The following MYEF2 variants were observed in gnomAD, a reference collection of about 807,000 sequenced individuals.
MYEF2 encodes myelin expression factor 2.
In MYEF2, 37 loss-of-function variants were observed where a neutral mutation model predicts 75.2. That is an observed-to-expected ratio of 0.49 (90% CI 0.38 to 0.65). The LOEUF is 0.65. Ranked by LOEUF, MYEF2 falls within the 30% of genes least tolerant of loss-of-function variation. MYEF2 has a pLI of 0.00. For missense variants in MYEF2, 634 were observed against 771.4 expected (o/e 0.82, Z 2.11); for synonymous variants, 195 against 241.6 (o/e 0.81, Z 1.79).
At chr15:48,157,142 C>T (rs1159060003) in intron 9 of MYEF2, 1 of 151,972 alleles carries the variant, frequency 6.6e-6, no homozygotes, top group African/African-American at 2.4e-5. Flanking sequence ...AAAACAATAG[C>T]TAATATTTAT....
At chr15:48,165,386 A>G (rs1005563859) in intron 5 of MYEF2, among the ~76,000 whole-genome samples, 35 of 152,118 alleles carry the variant, frequency 2.3e-4, no homozygotes, top group African/African-American at 8.0e-4. Context: ...ACCTGTTTAC[A>G]CTGCTACAAT....
At chr15:48,162,781 G>A (rs979605595) in intron 5 of MYEF2, 1 of 152,022 alleles carries the variant, frequency 6.6e-6, no homozygotes, top group Non-Finnish European at 1.5e-5. Context: ...TGTTTTAATT[G>A]TTTTGGGGCA....
intron 10 of MYEF2, 103 bp from the exon 11 acceptor site, chr15:48,152,387 A>T: frequency 2.1e-6 from 2 of 939,758 alleles, no homozygotes; most frequent in Non-Finnish European, 3.3e-6. Context: ...GTATAACCAC[A>T]ATGAAACACT....
In MYEF2 at chr15:48,139,062, C is replaced by G. The variant is rs2038974879; in HGVS notation, c.*3846G>C. 1 of 1,612,798 alleles carries G rather than the reference C, an allele frequency of 6.2e-7. No individual in the cohort carries two copies. Among genetic ancestry groups the G allele is most frequent in the African/African-American group, 1.3e-5 (1 of 74,876 alleles). On this transcript the variant is annotated 3_prime_UTR_variant, in exon 17 of 17. Transcript: ENST00000324324. ...ATTATTACATTACTTTTTCTAACCA[C>G]ACCAGATTGTAGAAAAAAGTTTTGG...
chr15:48,134,850 A>G lies in MYEF2; in HGVS notation c.*8058T>C. 6.9e-7 allele frequency: 1 copy of G among 1,458,786 alleles called. No individual in the cohort carries two copies. The highest frequency in any genetic ancestry group is 9.5e-7 in the Non-Finnish European group (1 of 1,049,988). The allele number at this position is 1,458,786 out of a possible 1,614,324, so 90.4% of individuals were successfully genotyped here. A position where few individuals can be genotyped will look rare whatever the true frequency, so the allele number is the denominator to read the frequency against. Reference sequence around the variant, plus strand: ...TAAGGATTGTACTTGAAGAAGTTACAATGTAATGGAAATAATAACTTACCA... The same window carrying G: ...TAAGGATTGTACTTGAAGAAGTTACGATGTAATGGAAATAATAACTTACCA... On this transcript the variant is annotated 3_prime_UTR_variant, in exon 17 of 17. Transcript: ENST00000324324.
At chr15:48,157,207 T>C (rs918669606) in intron 9 of MYEF2, 2 of 152,156 alleles carry the variant, frequency 1.3e-5, no homozygotes, top group Admixed American at 6.6e-5. Flanking sequence ...TATTAATTCA[T>C]GTAATACTCA....
At chr15:48,172,283 C>T (rs2040368169) in intron 1 of MYEF2, among the ~76,000 whole-genome samples, 1 of 151,848 alleles carries the variant, frequency 6.6e-6, no homozygotes, top group African/African-American at 2.4e-5. Context: ...GCCTGTAATC[C>T]CAGCTGCTTG....
intron 1 of MYEF2, among the ~76,000 whole-genome samples, chr15:48,175,392 A>G (rs1208488290): frequency 6.6e-6 from 1 of 152,206 alleles, no homozygotes; most frequent in Admixed American, 6.5e-5. Context: ...TCTAAGGTAC[A>G]GTATAGTGAC....
chr15:48,177,394 T>TA (rs557328903), intron 1 of MYEF2, among the ~76,000 whole-genome samples: 4,372 of 147,690 alleles, frequency 0.03, 160 homozygotes, highest in African/African-American at 0.082. Context: ...TACACTGAGT[T>TA]AAAAAAAAAA....
intron 5 of MYEF2, among the ~76,000 whole-genome samples, chr15:48,164,904 A>G (rs985073892): frequency 1.3e-5 from 2 of 152,216 alleles, no homozygotes; most frequent in Non-Finnish European, 2.9e-5. Context: ...TTTTATGTGT[A>G]CTGCAAAACC....
intron 1 of MYEF2, among the ~76,000 whole-genome samples, chr15:48,172,377 T>C (rs1177166562): frequency 6.8e-6 from 1 of 146,606 alleles, no homozygotes; most frequent in East Asian, 2.0e-4. Flanking sequence ...ATTTTTTTTT[T>C]GATACAGAGC....
In MYEF2 at chr15:48,174,801, G is replaced by A. The variant is rs553032591; in HGVS notation, c.161+3276C>T. Among the ~76,000 whole-genome samples, 3 of 152,212 alleles carry A rather than the reference G, an allele frequency of 2.0e-5. No homozygotes were observed. In the South Asian group the frequency reaches 6.2e-4, roughly 32 times the overall value. ...AAGTCAAAAGATAGCAACTGTTGCT[G>A]AGGACGTGGAGAAAGAACCTTTAGA... On this transcript the variant is annotated intron_variant, in intron 1 of 16. Coordinates refer to ENST00000324324, the MANE Select transcript of MYEF2 (RefSeq NM_016132.5).
At chr15:48,151,203 T>A (rs1326389230) in intron 13 of MYEF2, 32 bp from the exon 14 acceptor site, 5 of 1,517,518 alleles carry the variant, frequency 3.3e-6, no homozygotes, top group Non-Finnish European at 4.5e-6. Flanking sequence ...ATATACTAAT[T>A]AATTTTAAAT....
rs769822996 is a variant in MYEF2 at position 48,136,887 on chromosome 15, T to C, written c.*6021A>G. 7.4e-6 allele frequency: 12 copies of C among 1,613,688 alleles called. No individual in the cohort carries two copies. The Admixed American group carries it at 1.5e-4, about 20-fold the overall frequency. ...TCATTCGTCGGCAATCAAGAACTGA[T>C]AGTGGAATATTTTATGAAGATTCTG... On this transcript the variant is annotated 3_prime_UTR_variant, in exon 17 of 17. Coordinates refer to ENST00000324324, the MANE Select transcript of MYEF2 (RefSeq NM_016132.5).
chr15:48,170,104 G>C (rs2040271062), intron 1 of MYEF2, among the ~76,000 whole-genome samples: 1 of 151,854 alleles, frequency 6.6e-6, no homozygotes, highest in Non-Finnish European at 1.5e-5. Context: ...AGGGTTTTTT[G>C]TGGGGGTTTT....
At position 48,168,587 on chromosome 15, in the gene MYEF2, T is replaced by G. The variant is rs1323165162; in HGVS notation, c.370+44A>C. The G allele has an allele frequency of 1.3e-6, 2 of 1,498,442 alleles. 1 individual carries two copies. The highest frequency in any genetic ancestry group is 2.3e-5 in the South Asian group (2 of 86,222). The allele number at this position is 1,498,442 out of a possible 1,614,324, so 92.8% of individuals were successfully genotyped here. On this transcript the variant is annotated intron_variant, in intron 2 of 16. Coordinates refer to ENST00000324324, the MANE Select transcript of MYEF2 (RefSeq NM_016132.5). Reference sequence around the variant, plus strand: ...TGTTTGTGTAGTTCCCTCCCCTGCCTATATGAAGATTATCCAACAGTGGGT... The same window carrying G: ...TGTTTGTGTAGTTCCCTCCCCTGCCGATATGAAGATTATCCAACAGTGGGT...
At chr15:48,147,162 T>G (rs763286547) in intron 16 of MYEF2, among the ~76,000 whole-genome samples, 2 of 151,984 alleles carry the variant, frequency 1.3e-5, no homozygotes, top group African/African-American at 2.4e-5. Flanking sequence ...AAATTTTCTA[T>G]GTAGATTTGA....
intron 3 of MYEF2, 87 bp from the exon 4 acceptor site, chr15:48,166,215 A>T (rs1299435681): frequency 1.8e-6 from 2 of 1,089,940 alleles, no homozygotes. Flanking sequence ...CTAACATTTC[A>T]ATCATTAAGG....
rs1023654866 is a variant in MYEF2, at chr15:48,135,923, G to A, written c.*6985C>T. On this transcript the variant is annotated 3_prime_UTR_variant, in exon 17 of 17. Transcript: ENST00000324324. The stretch of plus-strand genomic sequence containing the variant: ...TCTGTAAGGGATAGTGACTGTGAGA[G>A]TATCCAAGCTAATTCTTCCTCCATT... The A allele has an allele frequency of 1.3e-5, 2 of 152,126 alleles. No homozygotes were observed. Among genetic ancestry groups the A allele is most frequent in the Admixed American group, 1.3e-4 (2 of 15,258 alleles). 9.4% of individuals were successfully genotyped at this position (152,126 alleles called of 1,614,324 possible). A position where few individuals can be genotyped will look rare whatever the true frequency, so the allele number is the denominator to read the frequency against.
Sources: allele counts gnomAD v4.1 joint callset (sites outside exome capture counted in the v4.1 genomes callset), GRCh38; gene constraint gnomAD v4.1.1; transcripts MANE v1.5; gene names NCBI Gene and HGNC (gene_info 2026-07-23, HGNC 2026-07-21).